Variants in AVEN observed in about 807,000 individuals in gnomAD.
The protein encoded by AVEN is apoptosis and caspase activation inhibitor, also known as cell death regulator Aven.
Under a neutral mutation model 38.1 loss-of-function variants are expected in AVEN, and 41 were observed. The ratio of observed to expected loss-of-function variants is 1.08; its 90% CI spans 0.84 to 1.40. The LOEUF is 1.40. Among genes scored for constraint, AVEN ranks in the 40% most tolerant of loss-of-function variants. The pLI is 0.00. For synonymous variants in AVEN, 206 were observed against 171.8 expected (o/e 1.20, Z -1.56); for missense variants, 605 against 438.8 (o/e 1.38, Z -3.38).
chr15:34,069,222 C>A (rs1026696557), intron 2 of AVEN, among the ~76,000 whole-genome samples: 6 of 152,002 alleles, frequency 3.9e-5, no homozygotes, highest in Non-Finnish European at 2.9e-5. Flanking sequence ...GAGTTTGAGA[C>A]CAGCCTGACC....
At chr15:33,893,424 A>C (rs1892075692) in intron 2 of AVEN, among the ~76,000 whole-genome samples, 2 of 152,146 alleles carry the variant, frequency 1.3e-5, no homozygotes, top group South Asian at 2.1e-4. Flanking sequence ...AGAAAGTAGT[A>C]TTTGCAGGGC....
intron 2 of AVEN, among the ~76,000 whole-genome samples, chr15:33,879,990 G>A (rs1372043185): frequency 6.6e-6 from 1 of 152,178 alleles, no homozygotes; most frequent in Admixed American, 6.5e-5. Flanking sequence ...TGAAGAACAT[G>A]TAATAATGGT....
chr15:34,038,390 G>A (rs994419238), intron 1 of AVEN, among the ~76,000 whole-genome samples: 1 of 152,194 alleles, frequency 6.6e-6, no homozygotes, highest in South Asian at 2.1e-4. Flanking sequence ...AGGCTGCCGA[G>A]GGACCACGTC....
intron 5 of AVEN, among the ~76,000 whole-genome samples, chr15:34,049,905 T>TG (rs1555520467): frequency 1.3e-5 from 2 of 150,668 alleles, no homozygotes; most frequent in Non-Finnish European, 3.0e-5. Context: ...TTTTTTTTTT[T>TG]GAGACAGGAT....
intron 5 of AVEN, among the ~76,000 whole-genome samples, chr15:34,047,799 AGT>A (rs1899766363): frequency 6.6e-6 from 1 of 151,684 alleles, no homozygotes; most frequent in African/African-American, 2.4e-5. Flanking sequence ...CCCAGGCTGG[AGT>A]GCAATGGCGC....
chr15:33,867,021 A>C (rs1890600926), intron 5 of AVEN, among the ~76,000 whole-genome samples: 1 of 152,196 alleles, frequency 6.6e-6, no homozygotes, highest in Non-Finnish European at 1.5e-5. Context: ...TCTCAAATGT[A>C]ATACATGCAT....
At chr15:33,980,621 G>C (rs200877215) in intron 2 of AVEN, among the ~76,000 whole-genome samples, 1 of 151,796 alleles carries the variant, frequency 6.6e-6, no homozygotes, top group Non-Finnish European at 1.5e-5. Flanking sequence ...AGGTAGTCAT[G>C]CACATAAGAA....
intron 5 of AVEN, among the ~76,000 whole-genome samples, chr15:34,053,554 A>T (rs1900023407): frequency 6.6e-6 from 1 of 151,890 alleles, no homozygotes; most frequent in South Asian, 2.1e-4. Context: ...TCTTTGACAA[A>T]CCTAACAAAA....
chr15:33,976,535 G>A (rs1427162540), intron 2 of AVEN, among the ~76,000 whole-genome samples: 1 of 152,140 alleles, frequency 6.6e-6, no homozygotes, highest in Non-Finnish European at 1.5e-5. Context: ...GATCTGGGAA[G>A]AAAAACTCCA....
chr15:34,050,719 A>T (rs1414629436), intron 5 of AVEN, among the ~76,000 whole-genome samples: 1 of 152,238 alleles, frequency 6.6e-6, no homozygotes, highest in Non-Finnish European at 1.5e-5. Flanking sequence ...CTGACAAAAC[A>T]GACTTTAAAC....
At chr15:33,901,584 C>A (rs957353971) in intron 2 of AVEN, among the ~76,000 whole-genome samples, 4 of 152,176 alleles carry the variant, frequency 2.6e-5, no homozygotes, top group Non-Finnish European at 5.9e-5. Flanking sequence ...TATTTAGGAA[C>A]CTCCATACTG....
chr15:33,910,150 A>T (rs1300810341), intron 2 of AVEN, among the ~76,000 whole-genome samples: 3 of 150,708 alleles, frequency 2.0e-5, no homozygotes, highest in Non-Finnish European at 4.4e-5. Flanking sequence ...AAAAAAAAAA[A>T]ATTGCTTAGT....
intron 2 of AVEN, among the ~76,000 whole-genome samples, chr15:33,910,415 G>A (rs1892874654): frequency 6.6e-6 from 1 of 152,202 alleles, no homozygotes; most frequent in Admixed American, 6.5e-5. Flanking sequence ...TACCTGCACA[G>A]CATTGTGCCT....
chr15:33,862,684 C>T (rs1421376852), downstream of AVEN, among the ~76,000 whole-genome samples: 1 of 152,018 alleles, frequency 6.6e-6, no homozygotes, highest in Non-Finnish European at 1.5e-5. Context: ...CATCTTGGCT[C>T]ACTGTAGCCT....
chr15:34,038,841 C>T lies in AVEN; in HGVS notation c.206G>A (p.Gly69Glu), dbSNP rs905932002. Residue 69 changes from glycine to glutamate, a missense_variant, in exon 1 of 6, where the codon GGA (glycine) becomes GAA (glutamate). By Grantham distance (98) the Gly-to-Glu change is moderately conservative. Transcript: ENST00000306730. ...FRGARGGRGG[G>E]GAPRGSRREP... ...CCGGCGGCTGCCTCGCGGGGCGCCT[C>T]CTCCTCCTCGGCCTCCGCGAGCGCC... 9 of 1,186,694 alleles carry T rather than the reference C, an allele frequency of 7.6e-6. No individual in the cohort carries two copies. The highest frequency in any genetic ancestry group is 4.9e-5 in the African/African-American group (3 of 60,816). 73.5% of individuals were successfully genotyped at this position (1,186,694 alleles called of 1,614,324 possible). A position where few individuals can be genotyped will look rare whatever the true frequency, so the allele number is the denominator to read the frequency against.
rs1897977988 is a variant in AVEN, at chr15:34,017,492, T to TTTTG, written c.268-14284_268-14283insCAAA. On this transcript the variant is annotated intron_variant, in intron 1 of 5. Transcript: ENST00000306730. The stretch of plus-strand genomic sequence containing the variant: ...AGTATGATTTTTTTTTTGTTTTTTT[T>TTTTG]TTTTTTTTGAGACAGGGTCTTGCTA... Among the ~76,000 whole-genome samples, 4 of 92,248 alleles carry TTTTG rather than the reference T, an allele frequency of 4.3e-5. 1 individual carries two copies. The highest frequency in any genetic ancestry group is 7.7e-4 in the South Asian group (2 of 2,592). The allele number at this position is 92,248 out of a possible 152,430, so 60.5% of individuals were successfully genotyped here.
downstream of AVEN, chr15:33,854,665 C>T (rs147043612): frequency 3.4e-5 from 49 of 1,447,190 alleles, no homozygotes; most frequent in East Asian, 5.2e-4. Flanking sequence ...CACCTAAACC[C>T]CCTCTATCCT....
intron 2 of AVEN, among the ~76,000 whole-genome samples, chr15:33,950,932 A>C (rs1258972199): frequency 2.0e-5 from 3 of 152,104 alleles, no homozygotes; most frequent in Non-Finnish European, 4.4e-5. Context: ...ACTTGAGCCC[A>C]GGAGCTCTGA....
chr15:33,897,494 C>G (rs930197586), intron 2 of AVEN, among the ~76,000 whole-genome samples: 5 of 151,932 alleles, frequency 3.3e-5, no homozygotes, highest in Non-Finnish European at 4.4e-5. Context: ...GGTCTTGAAC[C>G]CCTGACCTCA....
Sources: gnomAD v4.1 joint callset for allele counts (sites outside exome capture counted in the v4.1 genomes callset) on GRCh38, gnomAD v4.1.1 for gene constraint, MANE v1.5 for transcripts, NCBI Gene and HGNC (gene_info 2026-07-23, HGNC 2026-07-21) for gene names.